Variants in PABPC1L observed in about 807,000 individuals in gnomAD.
PABPC1L encodes poly(A) binding protein cytoplasmic 1 like.
PABPC1L carries 31 observed loss-of-function variants against 66.6 expected under a neutral mutation model. That is an observed-to-expected ratio of 0.47 (90% CI 0.35 to 0.63). The LOEUF (loss-of-function observed/expected upper bound fraction) is 0.63. Ranked by LOEUF, PABPC1L falls within the 20% of genes least tolerant of loss-of-function variation. PABPC1L has a pLI of 0.00. For missense variants in PABPC1L, 722 were observed against 848.8 expected (o/e 0.85, Z 1.86); for synonymous variants, 348 against 335.1 (o/e 1.04, Z -0.42).
rs776281831 is a variant in PABPC1L at position 44,912,806 on chromosome 20, G to T, written c.340G>T (p.Ala114Ser). The change falls in exon 2 of 15, where the codon GCT (alanine) becomes TCT (serine). Residue 114 changes from alanine to serine, a missense_variant. By Grantham distance (99) the Ala-to-Ser change is moderately conservative. Around this residue, in one of 3 missense-constraint regions of PABPC1L, gnomAD observed 284 missense variants for 294.8 expected, o/e 0.96. Coordinates refer to ENST00000217073, the MANE Select transcript of PABPC1L (RefSeq NM_001372179.1). ...KNLEDSIDNK[A>S]LYDTFSTFGN... ...CCTGGAGGACTCCATTGACAACAAGGCTTTATATGATACCTTCTCCACCTT... is the reference window on the plus strand; with the variant it reads ...CCTGGAGGACTCCATTGACAACAAGTCTTTATATGATACCTTCTCCACCTT... 15 of 1,614,152 alleles carry T rather than the reference G, an allele frequency of 9.3e-6. No individual in the cohort carries two copies. In the Middle Eastern group the frequency reaches 4.9e-4, roughly 53 times the overall value.
intron 7 of PABPC1L, among the ~76,000 whole-genome samples, chr20:44,928,818 T>C (rs554582359): frequency 3.1e-5 from 4 of 129,350 alleles, no homozygotes; most frequent in African/African-American, 1.2e-4. Flanking sequence ...TGAGCTGAGA[T>C]TGCACCACTG....
chr20:44,930,286 A>G (rs1002621872), intron 7 of PABPC1L, among the ~76,000 whole-genome samples, 174 bp from the exon 8 acceptor site: 5 of 151,206 alleles, frequency 3.3e-5, no homozygotes, highest in African/African-American at 7.3e-5. Flanking sequence ...GGGGGTGCAC[A>G]CTACATCCCT....
At chr20:44,924,282 G>A (rs2066793697) in intron 7 of PABPC1L, 26 bp downstream of exon 7, 13 of 1,513,284 alleles carry the variant, frequency 8.6e-6, no homozygotes, top group African/African-American at 1.4e-5. Flanking sequence ...ACCTCCGGGG[G>A]ACAGCGTTCC....
At chr20:44,917,001 G>C (rs2145558174) in intron 3 of PABPC1L, 130 bp downstream of exon 3, 2 of 793,626 alleles carry the variant, frequency 2.5e-6, no homozygotes, top group Admixed American at 4.4e-5. Flanking sequence ...AGCCCTCCTA[G>C]AAGTGTGAGC....
chr20:44,926,221 T>C (rs547033957), intron 7 of PABPC1L, among the ~76,000 whole-genome samples: 1 of 152,274 alleles, frequency 6.6e-6, no homozygotes, highest in South Asian at 2.1e-4. Flanking sequence ...ATGGGGATTA[T>C]AAATATATCT....
At chr20:44,930,873 A>G in intron 8 of PABPC1L, 147 bp downstream of exon 8, 1 of 1,119,340 alleles carries the variant, frequency 8.9e-7, no homozygotes, top group Non-Finnish European at 1.2e-6. Context: ...CTCTCTATAA[A>G]AGGGAGAGAT....
chr20:44,927,535 G>A (rs1249913830), intron 7 of PABPC1L, among the ~76,000 whole-genome samples: 1 of 151,898 alleles, frequency 6.6e-6, no homozygotes, highest in African/African-American at 2.4e-5. Flanking sequence ...TTTTAGTAGA[G>A]ATGGGGTGTC....
intron 6 of PABPC1L, among the ~76,000 whole-genome samples, chr20:44,922,527 C>T (rs538999338): frequency 8.5e-5 from 13 of 152,230 alleles, no homozygotes; most frequent in South Asian, 4.2e-4. Flanking sequence ...TGAGCCACTG[C>T]GCCTGGCCTC....
intron 12 of PABPC1L, among the ~76,000 whole-genome samples, chr20:44,937,409 C>T (rs1022639198): frequency 6.6e-6 from 1 of 151,768 alleles, no homozygotes; most frequent in African/African-American, 2.4e-5. Context: ...TTCCCCTCAC[C>T]CCGAAATTTT....
intron 7 of PABPC1L, among the ~76,000 whole-genome samples, chr20:44,926,416 G>A (rs974340815): frequency 6.6e-6 from 1 of 151,610 alleles, no homozygotes. Flanking sequence ...TAGTAGAGAC[G>A]GGGTTTCACT....
intron 6 of PABPC1L, 32 bp downstream of exon 6, chr20:44,921,763 C>T (rs1791077071): frequency 1.2e-6 from 2 of 1,611,968 alleles, no homozygotes; most frequent in African/African-American, 2.7e-5. Context: ...GCAGCCACTT[C>T]TGTGTGAGAG....
chr20:44,912,571 G>T, intron 1 of PABPC1L, 89 bp from the exon 2 acceptor site: 2 of 1,122,420 alleles, frequency 1.8e-6, no homozygotes, highest in South Asian at 1.6e-5. Flanking sequence ...TCTCTTTATT[G>T]GCTCCCAGTT....
intron 7 of PABPC1L, 135 bp from the exon 8 acceptor site, chr20:44,930,325 C>T (rs1002809111): frequency 3.2e-5 from 39 of 1,233,118 alleles, no homozygotes; most frequent in Non-Finnish European, 4.1e-5. Flanking sequence ...CAGGGGTGCA[C>T]GCTACATCCC....
In PABPC1L at chr20:44,937,880, T is replaced by C. The variant is rs950516037; in HGVS notation, c.1661-181T>C. ...ATTGCTGAGATGGGCTGACCACCAATACCAGGCCCAGTCATTAAAAGTACC... is the reference window on the plus strand; with the variant it reads ...ATTGCTGAGATGGGCTGACCACCAACACCAGGCCCAGTCATTAAAAGTACC... On this transcript the variant is annotated intron_variant, in intron 12 of 14. Transcript: ENST00000217073. 3 of 816,656 alleles carry C rather than the reference T, an allele frequency of 3.7e-6. No homozygotes were observed. The East Asian group carries it at 8.5e-5, about 23-fold the overall frequency. The allele number at this position is 816,656 out of a possible 1,614,324, so 50.6% of individuals were successfully genotyped here. A position where few individuals can be genotyped will look rare whatever the true frequency, so the allele number is the denominator to read the frequency against.
intron 5 of PABPC1L, among the ~76,000 whole-genome samples, chr20:44,921,005 G>T (rs1026039986): frequency 2.0e-5 from 3 of 149,328 alleles, no homozygotes; most frequent in African/African-American, 7.4e-5. Flanking sequence ...TAGAGATGGG[G>T]TTTCACCAAG....
intron 12 of PABPC1L, 98 bp downstream of exon 12, chr20:44,936,828 C>A: frequency 8.0e-7 from 1 of 1,253,530 alleles, no homozygotes; most frequent in Non-Finnish European, 1.1e-6. Flanking sequence ...AACGTGAGGT[C>A]AAATTCCAGC....
intron 10 of PABPC1L, among the ~76,000 whole-genome samples, chr20:44,933,825 A>G (rs527899805): frequency 1.5e-5 from 2 of 132,764 alleles, no homozygotes; most frequent in Admixed American, 1.6e-4. Context: ...ATCTCGGCTC[A>G]CTGCAACCTC....
At chr20:44,915,090 G>T (rs1406433625) in intron 2 of PABPC1L, among the ~76,000 whole-genome samples, 2 of 152,240 alleles carry the variant, frequency 1.3e-5, no homozygotes, top group African/African-American at 2.4e-5. Flanking sequence ...CAGGATGAGA[G>T]GTGGAGGGGT....
In PABPC1L at chr20:44,910,316, A is replaced by G. The variant is rs757191317; in HGVS notation, c.173A>G (p.Asn58Ser). ...CGCTCGCTGGGCTACGCCTACATCA[A>G]CTTCCAGCAGCCCGCGGACGGTGAG... is the stretch of plus-strand genomic sequence containing the variant. ...TRRSLGYAYI[N>S]FQQPADAERA... The change falls in exon 1 of 15, where the codon AAC (asparagine) becomes AGC (serine). Residue 58 changes from asparagine (N) to serine (S), a missense_variant. Transcript: ENST00000217073. 30 of 1,521,586 alleles carry G rather than the reference A, an allele frequency of 2.0e-5. No individual in the cohort carries two copies. Among genetic ancestry groups the G allele is most frequent in the Non-Finnish European group, 2.3e-5 (26 of 1,128,208 alleles). 94.3% of individuals were successfully genotyped at this position (1,521,586 alleles called of 1,614,324 possible).
Sources: allele counts gnomAD v4.1 joint callset (sites outside exome capture counted in the v4.1 genomes callset), GRCh38; gene constraint gnomAD v4.1.1; regional missense constraint gnomAD v4.1.1; transcripts MANE v1.5; gene names NCBI Gene and HGNC (gene_info 2026-07-23, HGNC 2026-07-21).